Variants in COL8A1 observed in about 807,000 individuals in gnomAD.
COL8A1 encodes collagen type VIII alpha 1 chain, also known as collagen alpha-1(VIII) chain.
A neutral mutation model predicts 42.7 loss-of-function variants in COL8A1; 21 were observed. The ratio of observed to expected loss-of-function variants is 0.49; its 90% CI spans 0.35 to 0.71. COL8A1 has a LOEUF of 0.71. COL8A1 is among the 30% of genes least tolerant of loss of function. The probability of loss-of-function intolerance (pLI) is 0.01; values close to 1 mark genes in which losing one functional copy is unlikely to be tolerated. For synonymous variants in COL8A1, 367 were observed against 369.1 expected, an observed-to-expected ratio of 0.99 and a Z score of 0.06; for missense variants, 788 against 962.4, an observed-to-expected ratio of 0.82 and a Z score of 2.40.
rs1559640248 is a variant in COL8A1, at chr3:99,798,616, ATATGTGTGTG to A, written c.*2482_*2491del. 1 of 100,426 alleles carries A rather than the reference ATATGTGTGTG, an allele frequency of 1.0e-5. No individual in the cohort carries two copies. Among genetic ancestry groups the A allele is most frequent in the South Asian group, 3.4e-4 (1 of 2,916 alleles). 6.2% of individuals were successfully genotyped at this position (100,426 alleles called of 1,614,324 possible). On this transcript the variant is annotated 3_prime_UTR_variant, in exon 4 of 4. Transcript: ENST00000652472. Reference sequence around the variant, plus strand: ...CACTCAATTGCCTATATATATATATATATGTGTGTGTGTGTGTGTGTGCGCGTGAGCGCAC... The same window carrying A: ...CACTCAATTGCCTATATATATATATATGTGTGTGTGTGCGCGTGAGCGCAC...
chr3:99,705,741 T>C (rs1212085748), intron 1 of COL8A1, among the ~76,000 whole-genome samples: 3 of 152,128 alleles, frequency 2.0e-5, no homozygotes, highest in Non-Finnish European at 4.4e-5. Context: ...CAGGGAGACT[T>C]TGCTCTTGTT....
At chr3:99,766,873 C>T (rs893448798) in intron 2 of COL8A1, among the ~76,000 whole-genome samples, 2 of 151,846 alleles carry the variant, frequency 1.3e-5, no homozygotes, top group Admixed American at 6.6e-5. Context: ...CGCTTGAACT[C>T]ATGAGGCAGA....
intron 1 of COL8A1, among the ~76,000 whole-genome samples, chr3:99,727,944 C>T (rs904168192): frequency 2.6e-5 from 4 of 151,266 alleles, no homozygotes; most frequent in African/African-American, 9.8e-5. Flanking sequence ...TTCAACAACC[C>T]TTCATGCTAA....
At chr3:99,697,185 A>T (rs1248082896) in intron 1 of COL8A1, among the ~76,000 whole-genome samples, 1 of 151,068 alleles carries the variant, frequency 6.6e-6, no homozygotes, top group East Asian at 1.9e-4. Flanking sequence ...ACGGGGTTTC[A>T]CCGTTTTAGC....
At chr3:99,717,266 T>C (rs1940025149) in intron 1 of COL8A1, among the ~76,000 whole-genome samples, 1 of 152,046 alleles carries the variant, frequency 6.6e-6, no homozygotes, top group South Asian at 2.1e-4. Flanking sequence ...TATTACTCAT[T>C]ATATCATCAG....
intron 1 of COL8A1, among the ~76,000 whole-genome samples, chr3:99,672,646 T>A (rs1325071565): frequency 6.6e-6 from 1 of 152,012 alleles, no homozygotes; most frequent in East Asian, 1.9e-4. Flanking sequence ...TATTTTTAAG[T>A]CTTTTAAAGA....
chr3:99,737,765 G>A (rs1020941326), intron 1 of COL8A1, among the ~76,000 whole-genome samples: 6 of 151,948 alleles, frequency 3.9e-5, no homozygotes, highest in South Asian at 2.1e-4. Flanking sequence ...GAATCTGAAC[G>A]TTGGCCTGCC....
intron 2 of COL8A1, among the ~76,000 whole-genome samples, chr3:99,773,840 T>TAA (rs1941638703): frequency 2.1e-5 from 2 of 95,586 alleles, no homozygotes; most frequent in African/African-American, 9.8e-5. Context: ...TATATATATT[T>TAA]TTTTTTTTTT....
intron 1 of COL8A1, among the ~76,000 whole-genome samples, chr3:99,651,505 A>G (rs911103822): frequency 8.5e-5 from 13 of 152,358 alleles, no homozygotes; most frequent in Admixed American, 4.6e-4. Flanking sequence ...CGGAGGTAGC[A>G]TGTCTTGGAA....
intron 1 of COL8A1, among the ~76,000 whole-genome samples, chr3:99,739,793 G>A (rs1464629867): frequency 6.6e-6 from 1 of 152,130 alleles, no homozygotes; most frequent in Non-Finnish European, 1.5e-5. Context: ...ATACTCTGGA[G>A]ATATTTTCCC....
chr3:99,695,749 T>C (rs566419747), intron 1 of COL8A1, among the ~76,000 whole-genome samples: 15 of 152,360 alleles, frequency 9.8e-5, no homozygotes, highest in Non-Finnish European at 8.8e-5. Flanking sequence ...ATAGGCTCTG[T>C]AGAGCAGGAA....
intron 1 of COL8A1, among the ~76,000 whole-genome samples, chr3:99,732,544 G>A (rs1312189800): frequency 6.6e-6 from 1 of 152,054 alleles, no homozygotes; most frequent in African/African-American, 2.4e-5. Context: ...ACTATCCTGA[G>A]AACAGCATAA....
intron 1 of COL8A1, among the ~76,000 whole-genome samples, chr3:99,725,089 A>G (rs1940266425): frequency 6.6e-6 from 1 of 152,136 alleles, no homozygotes; most frequent in East Asian, 1.9e-4. Flanking sequence ...AACAGCTGTT[A>G]CTATTACTGA....
In COL8A1 at chr3:99,734,285, CT is replaced by C. The variant is rs1483864471; in HGVS notation, c.-128-10611del. Reference sequence around the variant, plus strand: ...TTCTAGGGTTTTTAGGGTTTTAGGTCTAACATTTAAGTCTTCAATCCATCTT... The same window carrying C: ...TTCTAGGGTTTTTAGGGTTTTAGGTCAACATTTAAGTCTTCAATCCATCTT... On this transcript the variant is annotated intron_variant, in intron 1 of 3. Coordinates refer to ENST00000652472, the MANE Select transcript of COL8A1 (RefSeq NM_020351.4). Among the ~76,000 whole-genome samples, 4 of 139,618 alleles carry C rather than the reference CT, an allele frequency of 2.9e-5. 1 individual carries two copies. The highest frequency in any genetic ancestry group is 6.1e-5 in the Non-Finnish European group (4 of 65,326). 91.6% of individuals were successfully genotyped at this position (139,618 alleles called of 152,430 possible).
intron 2 of COL8A1, among the ~76,000 whole-genome samples, chr3:99,756,184 A>C (rs1354067856): frequency 6.6e-6 from 1 of 151,816 alleles, no homozygotes; most frequent in East Asian, 1.9e-4. Flanking sequence ...CATTTATCAA[A>C]ATAGGGGAGC....
intron 1 of COL8A1, among the ~76,000 whole-genome samples, chr3:99,704,671 C>T (rs1329865063): frequency 6.6e-6 from 1 of 152,148 alleles, no homozygotes; most frequent in African/African-American, 2.4e-5. Context: ...CAGGTTTGGT[C>T]CATTCTCCAA....
At position 99,646,565 on chromosome 3, in the gene COL8A1, G is replaced by C. The variant is rs75879787; in HGVS notation, c.-129+7901G>C. On this transcript the variant is annotated intron_variant, in intron 1 of 3. Transcript: ENST00000652472. ...GATACTAATTAAGCATGCATTTTAC[G>C]GTTACTAATTTAGTACGGTAAATGG... Among the ~76,000 whole-genome samples the C allele has an allele frequency of 2.0e-5, 3 of 152,138 alleles. No individual in the cohort carries two copies. In the East Asian group the frequency reaches 5.8e-4, roughly 29 times the overall value.
At position 99,723,125 on chromosome 3, in the gene COL8A1, A is replaced by G. The variant is rs116641648; in HGVS notation, c.-128-21772A>G. Among the ~76,000 whole-genome samples the G allele has an allele frequency of 2.4e-3, 359 of 152,066 alleles. 1 individual carries two copies. Among genetic ancestry groups the G allele is most frequent in the African/African-American group, 8.2e-3 (339 of 41,512 alleles). The stretch of plus-strand genomic sequence containing the variant: ...AGCAGATGTATTTTGAGAAATGCCT[A>G]TTGGTGAGTAGTATTCTGCTCTCTA... On this transcript the variant is annotated intron_variant, in intron 1 of 3. Coordinates refer to ENST00000652472, the MANE Select transcript of COL8A1 (RefSeq NM_020351.4).
At chr3:99,790,278 A>G (rs1941974687) in intron 2 of COL8A1, among the ~76,000 whole-genome samples, 1 of 152,176 alleles carries the variant, frequency 6.6e-6, no homozygotes, top group African/African-American at 2.4e-5. Context: ...CCTTTTTAGG[A>G]TTCTTCCTGG....
Sources: gnomAD v4.1 joint callset for allele counts (sites outside exome capture counted in the v4.1 genomes callset) on GRCh38, gnomAD v4.1.1 for gene constraint, MANE v1.5 for transcripts, NCBI Gene and HGNC (gene_info 2026-07-23, HGNC 2026-07-21) for gene names.